GLI2: variants seen among roughly 807,000 people sequenced by gnomAD.
GLI2 encodes the protein GLI family zinc finger 2, also known as transcription activator GLI2.
A neutral mutation model predicts 78.9 loss-of-function variants in GLI2; 22 were observed. That is an observed-to-expected ratio of 0.28 (90% CI 0.20 to 0.40). GLI2 has a LOEUF of 0.40. GLI2 is among the 10% of genes least tolerant of loss of function. The probability of loss-of-function intolerance (pLI) is 1.00; values close to 1 mark genes in which losing one functional copy is unlikely to be tolerated. For missense variants in GLI2, 2,097 were observed against 2,213.2 expected, an observed-to-expected ratio of 0.95 and a Z score of 1.05; for synonymous variants, 974 against 963.7, an observed-to-expected ratio of 1.01 and a Z score of -0.20.
intron 2 of GLI2, among the ~76,000 whole-genome samples, chr2:120,815,748 T>C (rs1685465675): frequency 6.6e-6 from 1 of 152,134 alleles, no homozygotes; most frequent in Non-Finnish European, 1.5e-5. Flanking sequence ...ACCAGGGTGG[T>C]GATAGGATCA....
intron 2 of GLI2, among the ~76,000 whole-genome samples, chr2:120,838,732 T>C (rs968444368): frequency 7.9e-5 from 12 of 152,188 alleles, no homozygotes; most frequent in African/African-American, 2.9e-4. Flanking sequence ...TAATCCCATG[T>C]TTTTACTGTA....
rs4365464 is a variant in GLI2, at chr2:120,919,305, G to T, written c.149-8056G>T. On this transcript the variant is annotated intron_variant, in intron 2 of 13. Transcript: ENST00000361492. ...GTCCCCCATAGTGGGAACAAAATTG[G>T]ATGTCAAAAAGCCCTTCTCCAGTCA... Among the ~76,000 whole-genome samples the T allele has an allele frequency of 2.6e-3, 397 of 152,340 alleles. 1 individual carries two copies. The highest frequency in any genetic ancestry group is 9.1e-3 in the African/African-American group (377 of 41,574).
At chr2:120,745,306 G>A (rs1182758270) in intron 1 of GLI2, among the ~76,000 whole-genome samples, 1 of 152,224 alleles carries the variant, frequency 6.6e-6, no homozygotes, top group Non-Finnish European at 1.5e-5. Context: ...GCTGAAGTGG[G>A]ACCAATTTGG....
At chr2:120,763,845 A>C (rs1224015844) in intron 1 of GLI2, among the ~76,000 whole-genome samples, 1 of 152,246 alleles carries the variant, frequency 6.6e-6, no homozygotes, top group African/African-American at 2.4e-5. Flanking sequence ...AGGACCAAAA[A>C]CAAAATTATT....
chr2:120,903,094 G>A (rs1678345601), intron 2 of GLI2, among the ~76,000 whole-genome samples: 1 of 152,110 alleles, frequency 6.6e-6, no homozygotes, highest in East Asian at 1.9e-4. Context: ...TTTTTTTAAT[G>A]CAATTCAGGG....
intron 2 of GLI2, among the ~76,000 whole-genome samples, chr2:120,806,666 G>A (rs1345375306): frequency 6.6e-6 from 1 of 152,200 alleles, no homozygotes. Flanking sequence ...CTGTTGCCCT[G>A]CGGGGAGGCG....
intron 1 of GLI2, among the ~76,000 whole-genome samples, chr2:120,753,955 C>G (rs564820208): frequency 2.0e-5 from 3 of 151,262 alleles, no homozygotes; most frequent in Non-Finnish European, 2.9e-5. Flanking sequence ...CTGCTTCTCA[C>G]ATGTTACAAA....
intron 1 of GLI2, among the ~76,000 whole-genome samples, chr2:120,742,643 T>C (rs1393785994): frequency 6.9e-6 from 1 of 144,842 alleles, no homozygotes; most frequent in Non-Finnish European, 1.5e-5. Context: ...TCAAATCCTT[T>C]TCCATCTCAC....
intron 2 of GLI2, among the ~76,000 whole-genome samples, chr2:120,820,013 C>T (rs952133213): frequency 6.6e-6 from 1 of 152,082 alleles, no homozygotes; most frequent in Non-Finnish European, 1.5e-5. Context: ...GCAGGATGGC[C>T]AGCCGCCAAG....
At chr2:120,974,782 GT>G in intron 8 of GLI2, 192 bp from the exon 9 acceptor site, 1 of 261,658 alleles carries the variant, frequency 3.8e-6, no homozygotes, top group South Asian at 3.4e-5. Context: ...GCTGATGAGT[GT>G]GTGTGTGTGT....
chr2:120,978,056 A>G (rs1682541967), intron 9 of GLI2, among the ~76,000 whole-genome samples: 1 of 152,168 alleles, frequency 6.6e-6, no homozygotes. Context: ...GAGCGTCATC[A>G]CACCAGAGCC....
Position 120,927,430 on chromosome 2 carries a change from A to T in GLI2, c.218A>T (p.Tyr73Phe), listed in dbSNP as rs1302961678. ...PIDMRHQEGR[Y>F]HYEPHSVHGV... is the part of the protein sequence containing the mutation. ...GACATGCGACACCAGGAAGGAAGGT[A>T]CCATTACGAGCCTCATTCTGTCCAC... The change falls in exon 3 of 14, where the codon TAC becomes TTC. Residue 73 changes from tyrosine to phenylalanine, a missense_variant. Tyr to Phe is a conservative substitution (Grantham distance 22). Around this residue, in one of 5 missense-constraint regions of GLI2, gnomAD observed 578 missense variants for 612.0 expected, o/e 0.94. Coordinates refer to ENST00000361492, the MANE Select transcript of GLI2 (RefSeq NM_001374353.1). The T allele has an allele frequency of 6.2e-7, 1 of 1,613,876 alleles. No individual in the cohort carries two copies. Among genetic ancestry groups the T allele is most frequent in the East Asian group, 2.2e-5 (1 of 44,866 alleles).
chr2:120,841,588 T>A (rs569893494), intron 2 of GLI2, among the ~76,000 whole-genome samples: 1 of 152,362 alleles, frequency 6.6e-6, no homozygotes, highest in Non-Finnish European at 1.5e-5. Context: ...TTTTTCTGTC[T>A]TCATTCATTT....
At chr2:120,961,958 A>AC (rs35413684) in intron 5 of GLI2, among the ~76,000 whole-genome samples, 3 of 152,110 alleles carry the variant, frequency 2.0e-5, no homozygotes, top group Non-Finnish European at 2.9e-5. Flanking sequence ...GGCTCCTGGG[A>AC]CCAGGTGCCA....
chr2:120,783,256 C>T (rs1683899498), intron 1 of GLI2, among the ~76,000 whole-genome samples: 2 of 152,110 alleles, frequency 1.3e-5, no homozygotes, highest in African/African-American at 4.8e-5. Flanking sequence ...TTGGAGGGCT[C>T]TCTAGGAAGT....
At chr2:120,764,185 G>A (rs1468518883) in intron 1 of GLI2, among the ~76,000 whole-genome samples, 1 of 152,258 alleles carries the variant, frequency 6.6e-6, no homozygotes, top group Non-Finnish European at 1.5e-5. Context: ...CACAGAAGAG[G>A]TGCCAGCGAA....
intron 5 of GLI2, among the ~76,000 whole-genome samples, chr2:120,959,033 G>A (rs565483734): frequency 6.6e-6 from 1 of 152,246 alleles, no homozygotes; most frequent in African/African-American, 2.4e-5. Context: ...AGCACTCGAG[G>A]AATGTAGCTG....
chr2:120,812,288 C>T (rs1036749466), intron 2 of GLI2, among the ~76,000 whole-genome samples: 7 of 152,158 alleles, frequency 4.6e-5, no homozygotes, highest in Admixed American at 4.6e-4. Flanking sequence ...CGGCCCGGTC[C>T]CCTCACTGCG....
intron 8 of GLI2, 37 bp downstream of exon 8, chr2:120,972,100 A>C: frequency 6.2e-7 from 1 of 1,611,468 alleles, no homozygotes; most frequent in Non-Finnish European, 8.5e-7. Flanking sequence ...TCCTCCAGCT[A>C]GGACCAGGCT....
Sources: allele counts gnomAD v4.1 joint callset (sites outside exome capture counted in the v4.1 genomes callset), GRCh38; gene constraint gnomAD v4.1.1; regional missense constraint gnomAD v4.1.1; transcripts MANE v1.5; gene names NCBI Gene and HGNC (gene_info 2026-07-23, HGNC 2026-07-21).